Variants in GLIS3 observed in about 807,000 individuals in gnomAD.
GLIS3 encodes zinc finger protein GLIS3.
In GLIS3, 53 loss-of-function variants were observed where a neutral mutation model predicts 78.6. The ratio of observed to expected loss-of-function variants is 0.67; its 90% CI spans 0.54 to 0.85. The LOEUF (loss-of-function observed/expected upper bound fraction) is 0.85, where lower values mean the gene tolerates loss of function less well. GLIS3 is among the 40% of genes least tolerant of loss of function. GLIS3 has a pLI of 0.00. For synonymous variants in GLIS3, 684 were observed against 509.9 expected (o/e 1.34, Z -4.60); for missense variants, 1,703 against 1,231.1 (o/e 1.38, Z -5.74).
intron 4 of GLIS3, among the ~76,000 whole-genome samples, chr9:3,974,142 A>G (rs1193428776): frequency 6.6e-6 from 1 of 152,148 alleles, no homozygotes; most frequent in Admixed American, 6.6e-5. Flanking sequence ...CAGAGGAAAG[A>G]GTTCTGGATT....
At chr9:3,974,550 A>G (rs1192392676) in intron 4 of GLIS3, among the ~76,000 whole-genome samples, 1 of 152,150 alleles carries the variant, frequency 6.6e-6, no homozygotes, top group Non-Finnish European at 1.5e-5. Flanking sequence ...GGACTCTGCT[A>G]TTTTCTAAAA....
At position 4,259,108 on chromosome 9, in the gene GLIS3, C is replaced by G. The variant is rs141282506; in HGVS notation, c.388+26930G>C. Among the ~76,000 whole-genome samples the G allele has an allele frequency of 4.4e-4, 67 of 152,250 alleles. 1 individual carries two copies. The highest frequency in any genetic ancestry group is 6.2e-4 in the South Asian group (3 of 4,818). ...ACTTCTCTAATTAATGAAGACCTCA[C>G]CACTTGGATCTTATCTCTTTGTTGC... is the stretch of plus-strand genomic sequence containing the variant. On this transcript the variant is annotated intron_variant, in intron 2 of 10. Coordinates refer to ENST00000381971, the MANE Select transcript of GLIS3 (RefSeq NM_001042413.2).
At chr9:4,090,642 G>A (rs1829419588) in intron 4 of GLIS3, among the ~76,000 whole-genome samples, 1 of 152,156 alleles carries the variant, frequency 6.6e-6, no homozygotes, top group South Asian at 2.1e-4. Flanking sequence ...GAATCAGACA[G>A]GTTTAGGCTG....
At chr9:4,196,703 C>G (rs932414149) in intron 2 of GLIS3, among the ~76,000 whole-genome samples, 6 of 152,188 alleles carry the variant, frequency 3.9e-5, no homozygotes, top group Non-Finnish European at 8.8e-5. Context: ...GGAGCAAACT[C>G]CAGACACGCC....
intron 4 of GLIS3, among the ~76,000 whole-genome samples, chr9:4,049,751 G>GA (rs924745787): frequency 2.6e-5 from 4 of 151,752 alleles, no homozygotes; most frequent in African/African-American, 4.8e-5. Flanking sequence ...AAATTTACAA[G>GA]AAAAAAACAA....
intron 4 of GLIS3, among the ~76,000 whole-genome samples, chr9:4,065,152 C>T (rs974648704): frequency 2.1e-4 from 32 of 152,270 alleles, no homozygotes; most frequent in African/African-American, 7.0e-4. Flanking sequence ...CAGAACTCTC[C>T]CAGGCTGTGG....
intron 4 of GLIS3, among the ~76,000 whole-genome samples, chr9:4,114,444 A>G (rs991202600): frequency 1.1e-4 from 17 of 152,150 alleles, no homozygotes; most frequent in African/African-American, 4.1e-4. Flanking sequence ...AGACTCCATG[A>G]CTTGTTCTGA....
At chr9:3,993,315 C>T (rs1563928725) in intron 4 of GLIS3, among the ~76,000 whole-genome samples, 1 of 152,128 alleles carries the variant, frequency 6.6e-6, no homozygotes, top group Non-Finnish European at 1.5e-5. Context: ...AATCTTTAAT[C>T]TTCTGAAGCC....
At chr9:4,450,163 G>A in the GLIS3 span, among the ~76,000 whole-genome samples, 1 of 152,138 alleles carries the variant, frequency 6.6e-6, no homozygotes, top group African/African-American at 2.4e-5. Flanking sequence ...GTGACCTGAT[G>A]GAGCTGAAAA....
chr9:4,432,534 A>G, the GLIS3 span, among the ~76,000 whole-genome samples: 3 of 152,118 alleles, frequency 2.0e-5, no homozygotes, highest in Non-Finnish European at 4.4e-5. Context: ...CAGCAGCAAT[A>G]GGGACCCATG....
chr9:4,229,734 T>A (rs1822093214), intron 2 of GLIS3, among the ~76,000 whole-genome samples: 2 of 152,232 alleles, frequency 1.3e-5, no homozygotes, highest in African/African-American at 2.4e-5. Flanking sequence ...TAACAACACA[T>A]GAAGCTCTTT....
At chr9:4,421,256 T>C in the GLIS3 span, among the ~76,000 whole-genome samples, 9 of 152,160 alleles carry the variant, frequency 5.9e-5, no homozygotes, top group Non-Finnish European at 8.8e-5. Flanking sequence ...CAGGACTCTC[T>C]CGTCCCACAG....
At chr9:4,405,436 T>C in the GLIS3 span, among the ~76,000 whole-genome samples, 1 of 151,868 alleles carries the variant, frequency 6.6e-6, no homozygotes, top group African/African-American at 2.4e-5. Context: ...CATTAGTGGC[T>C]ACTATGAGCA....
chr9:4,037,581 CACAG>C (rs1160744347), intron 4 of GLIS3, among the ~76,000 whole-genome samples: 6 of 150,062 alleles, frequency 4.0e-5, no homozygotes, highest in East Asian at 1.9e-4. Context: ...CACACACACA[CACAG>C]AGACAATAAA....
chr9:4,285,947 G>T (rs751722512), intron 2 of GLIS3, 91 bp downstream of exon 2: 6 of 1,444,616 alleles, frequency 4.2e-6, no homozygotes, highest in Non-Finnish European at 5.8e-6. Flanking sequence ...ACTGAATCAT[G>T]TATTTTTCCA....
chr9:4,449,709 G>C, the GLIS3 span, among the ~76,000 whole-genome samples: 1 of 152,202 alleles, frequency 6.6e-6, no homozygotes, highest in Non-Finnish European at 1.5e-5. Context: ...AGAGGGTCTG[G>C]AGTGGACCTC....
chr9:4,233,163 T>C (rs1376396793), intron 2 of GLIS3, among the ~76,000 whole-genome samples: 3 of 152,214 alleles, frequency 2.0e-5, no homozygotes, highest in African/African-American at 7.2e-5. Flanking sequence ...CTGTCTTTGA[T>C]CTTCAAACCT....
chr9:4,260,566 C>CAAA (rs372293678), intron 2 of GLIS3, among the ~76,000 whole-genome samples: 1 of 116,954 alleles, frequency 8.6e-6, no homozygotes, highest in Non-Finnish European at 1.8e-5. Flanking sequence ...GACTCTGTCT[C>CAAA]AAAAAAAAAA....
chr9:3,916,545 G>A (rs929507727), intron 6 of GLIS3, among the ~76,000 whole-genome samples: 2 of 152,194 alleles, frequency 1.3e-5, no homozygotes, highest in Non-Finnish European at 2.9e-5. Context: ...CCTTAAACAC[G>A]TCTGTCCATT....
Sources: gnomAD v4.1 joint callset for allele counts (sites outside exome capture counted in the v4.1 genomes callset) on GRCh38, gnomAD v4.1.1 for gene constraint, MANE v1.5 for transcripts, NCBI Gene and HGNC (gene_info 2026-07-23, HGNC 2026-07-21) for gene names.